Variants in GDI2 observed in about 807,000 individuals in gnomAD.
GDI2 encodes GDP dissociation inhibitor 2.
GDI2 carries 22 observed loss-of-function variants against 54.2 expected under a neutral mutation model. That is an observed-to-expected ratio of 0.41 (90% CI 0.29 to 0.58). GDI2 has a LOEUF of 0.58. GDI2 is among the 20% of genes least tolerant of loss of function. The probability of loss-of-function intolerance (pLI) is 0.35; values close to 1 mark genes in which losing one functional copy is unlikely to be tolerated. For missense variants in GDI2, 422 were observed against 546.0 expected, an observed-to-expected ratio of 0.77 and a Z score of 2.26; for synonymous variants, 177 against 182.1, an observed-to-expected ratio of 0.97 and a Z score of 0.23.
chr10:5,784,919 G>A (rs1051127314), intron 6 of GDI2, among the ~76,000 whole-genome samples: 13 of 152,220 alleles, frequency 8.5e-5, no homozygotes, highest in Non-Finnish European at 1.9e-4. Flanking sequence ...CCAGCCAGGA[G>A]TTGGCACTTA....
In GDI2 at chr10:5,799,351, C is replaced by G. The variant is rs564416306; in HGVS notation, c.153+1247G>C. ...GGCCCTGTCTCTTAAAAACAAACAA[C>G]AACAACAAAGAATAAAGCGCTCGGG... On this transcript the variant is annotated intron_variant, in intron 2 of 10. Transcript: ENST00000380191. 3.3e-5 allele frequency among the ~76,000 whole-genome samples: 5 copies of G among 152,144 alleles called. No homozygotes were observed. In the South Asian group the frequency reaches 6.2e-4, roughly 19 times the overall value.
chr10:5,787,699 TAA>T (rs1303944900), intron 4 of GDI2, among the ~76,000 whole-genome samples: 1 of 152,234 alleles, frequency 6.6e-6, no homozygotes. Flanking sequence ...GAGCTGGGTA[TAA>T]GACAGGCAAA....
Position 5,766,022 on chromosome 10 carries a change from A to T in GDI2, c.1322T>A (p.Ile441Asn), listed in dbSNP as rs1435883679. The change falls in exon 11 of 11, where the codon ATC becomes AAC. Residue 441 changes from isoleucine (I) to asparagine (N), a missense_variant. Ile to Asn is a moderately radical substitution (Grantham distance 149). Transcript: ENST00000380191. This position sits in a 1 kb window ranked among gnomAD's most constrained non-coding sequence, Gnocchi z 5.8. The part of the protein sequence containing the change: ...FEEMKRKKND[I>N]YGED ...GTACTGCTGTTAGTCTTCCCCATAGATGTCATTCTTCTTGCGCTTCATTTC... is the reference window on the plus strand; with the variant it reads ...GTACTGCTGTTAGTCTTCCCCATAGTTGTCATTCTTCTTGCGCTTCATTTC... 1 of 1,584,806 alleles carries T rather than the reference A, an allele frequency of 6.3e-7. No individual in the cohort carries two copies. Among genetic ancestry groups the T allele is most frequent in the Admixed American group, 2.0e-5 (1 of 49,340 alleles).
chr10:5,794,188 A>AAAAAAAAATATAT (rs1448053813), intron 4 of GDI2, among the ~76,000 whole-genome samples: 1 of 40,340 alleles, frequency 2.5e-5, no homozygotes, highest in Non-Finnish European at 4.2e-5. Flanking sequence ...AAAAAAAAAA[A>AAAAAAAAATATAT]ATATATATAT....
At position 5,776,441 on chromosome 10, in the gene GDI2, G is replaced by A. The variant is rs1393853847; in HGVS notation, c.720-2500C>T. 2.1e-5 allele frequency: 18 copies of A among 837,636 alleles called. No homozygotes were observed. The highest frequency in any genetic ancestry group is 4.0e-5 in the South Asian group (3 of 75,052). The allele number at this position is 837,636 out of a possible 1,614,324, so 51.9% of individuals were successfully genotyped here. ...GGATCTTTGACAGGGATCCAGACAC[G>A]CTACTATTTTTACTTTAGCAAAAGA... is the stretch of plus-strand genomic sequence containing the variant. On this transcript the variant is annotated intron_variant, in intron 6 of 10. Coordinates refer to ENST00000380191, the MANE Select transcript of GDI2 (RefSeq NM_001494.4). This position sits in a 1 kb window ranked among gnomAD's most constrained non-coding sequence, Gnocchi z 5.3.
chr10:5,796,904 T>C (rs757153985), intron 2 of GDI2, 42 bp from the exon 3 acceptor site: 3 of 933,884 alleles, frequency 3.2e-6, no homozygotes, highest in African/African-American at 3.3e-5. Context: ...TAACAAAATT[T>C]AATTTTTTAT....
chr10:5,808,537 G>T (rs182953822), intron 1 of GDI2, among the ~76,000 whole-genome samples: 4 of 151,762 alleles, frequency 2.6e-5, no homozygotes, highest in Non-Finnish European at 5.9e-5. Context: ...TTAGCCGGGC[G>T]TGGTGGTGAG....
intron 6 of GDI2, among the ~76,000 whole-genome samples, chr10:5,778,778 C>A (rs1567708): frequency 0.89 from 135,241 of 152,204 alleles, 61,205 homozygotes; most frequent in Non-Finnish European, 0.99. Context: ...TGATTTAAAA[C>A]AAATCAGCAA....
At position 5,772,761 on chromosome 10, in the gene GDI2, C is replaced by CAAAT. The variant is rs551728024; in HGVS notation, c.819+1077_819+1080dup. Among the ~76,000 whole-genome samples, 219 of 152,120 alleles carry CAAAT rather than the reference C, an allele frequency of 1.4e-3. 2 individuals are homozygous for CAAAT. In the East Asian group the frequency reaches 0.028, roughly 20 times the overall value. On this transcript the variant is annotated intron_variant, in intron 7 of 10. Transcript: ENST00000380191. ...GACAGAGCAAAACGATTTGATGTCT[C>CAAAT]AAATAAATAAATAAATAAATAACAT...
intron 6 of GDI2, among the ~76,000 whole-genome samples, chr10:5,780,882 T>C (rs1410444381): frequency 6.6e-6 from 1 of 152,206 alleles, no homozygotes; most frequent in Admixed American, 6.5e-5. Context: ...CAAGCATGTT[T>C]TCTAGAAATT....
rs574106028 is a variant in GDI2, at chr10:5,804,731, T to C, written c.46-4026A>G. On this transcript the variant is annotated intron_variant, in intron 1 of 10. Coordinates refer to ENST00000380191, the MANE Select transcript of GDI2 (RefSeq NM_001494.4). ...TGGTAAATACCCATATCTGTTCATG[T>C]ACATACTGTTTATGGCTGTTTTCCT... 3.9e-5 allele frequency among the ~76,000 whole-genome samples: 6 copies of C among 152,336 alleles called. No individual in the cohort carries two copies. In the South Asian group the frequency reaches 1.2e-3, roughly 32 times the overall value.
rs780334414 is a variant in GDI2, at chr10:5,766,241, C to A, written c.1191G>T (p.Gln397His). The A allele has an allele frequency of 8.1e-6, 13 of 1,613,074 alleles. No homozygotes were observed. The change falls in exon 10 of 11, where the codon CAG becomes CAT. Residue 397 changes from glutamine to histidine, a missense_variant and splice_region_variant. By Grantham distance (24) the Gln-to-His change is conservative. Coordinates refer to ENST00000380191, the MANE Select transcript of GDI2 (RefSeq NM_001494.4). This position sits in a 1 kb window ranked among gnomAD's most constrained non-coding sequence, Gnocchi z 5.8. ...TATCCTTTCACACTTCCATACTCAC[C>A]TGGCTTTCTGTTCCCAAGTCTTTTG... ...LVPKDLGTES[Q>H]IFISRTYDAT...
At chr10:5,771,529 G>T (rs1840488202) in intron 7 of GDI2, among the ~76,000 whole-genome samples, 1 of 152,106 alleles carries the variant, frequency 6.6e-6, no homozygotes, top group Non-Finnish European at 1.5e-5. Context: ...CAAAAGGTTG[G>T]ACATTAGTGA....
At chr10:5,808,810 T>C (rs1841430880) in intron 1 of GDI2, among the ~76,000 whole-genome samples, 1 of 150,212 alleles carries the variant, frequency 6.7e-6, no homozygotes, top group Non-Finnish European at 1.5e-5. Context: ...TCAAAACTAC[T>C]TACCTAGAAA....
chr10:5,802,534 G>A (rs1039360923), intron 1 of GDI2, among the ~76,000 whole-genome samples: 22 of 151,914 alleles, frequency 1.4e-4, no homozygotes, highest in Non-Finnish European at 3.2e-4. Flanking sequence ...GGGAGTTGGA[G>A]GCTGCAGTGA....
chr10:5,779,464 C>T (rs943931760), intron 6 of GDI2, among the ~76,000 whole-genome samples: 6 of 150,342 alleles, frequency 4.0e-5, no homozygotes, highest in Admixed American at 2.0e-4. Context: ...GCTGAGATCG[C>T]GCCACTGCAC....
At chr10:5,771,300 C>G (rs1840483798) in intron 7 of GDI2, among the ~76,000 whole-genome samples, 7 of 152,174 alleles carry the variant, frequency 4.6e-5, no homozygotes, top group Admixed American at 3.9e-4. Context: ...TTGGGCAGAT[C>G]AGGGTTCAAA....
At chr10:5,808,089 C>T (rs1350949123) in intron 1 of GDI2, among the ~76,000 whole-genome samples, 1 of 152,192 alleles carries the variant, frequency 6.6e-6, no homozygotes, top group Non-Finnish European at 1.5e-5. Context: ...GTAATCCTAA[C>T]ACTTTGGGAG....
intron 4 of GDI2, among the ~76,000 whole-genome samples, chr10:5,790,712 G>A (rs1362660937): frequency 2.6e-5 from 4 of 152,062 alleles, no homozygotes; most frequent in African/African-American, 9.7e-5. Flanking sequence ...TATGTTATCC[G>A]TATGGCCTCC....
Sources: allele counts gnomAD v4.1 joint callset (sites outside exome capture counted in the v4.1 genomes callset), GRCh38; gene constraint gnomAD v4.1.1; non-coding constraint Gnocchi (gnomAD v3.1); transcripts MANE v1.5; gene names NCBI Gene and HGNC (gene_info 2026-07-23, HGNC 2026-07-21).